Variants in SDK2 observed in about 807,000 individuals in gnomAD.
SDK2 encodes the protein sidekick cell adhesion molecule 2.
In SDK2, 105 loss-of-function variants were observed where a neutral mutation model predicts 253.9. That is an observed-to-expected ratio of 0.41 (90% CI 0.35 to 0.49). The LOEUF is 0.49. Among genes scored for constraint, SDK2 ranks in the 20% least tolerant of loss-of-function variants. The pLI is 0.06. For synonymous variants in SDK2, 1,249 were observed against 1,234.9 expected (o/e 1.01, Z -0.24); for missense variants, 2,608 against 3,003.0 (o/e 0.87, Z 3.07).
intron 1 of SDK2, among the ~76,000 whole-genome samples, chr17:73,597,566 G>C (rs866263647): frequency 6.6e-6 from 1 of 151,998 alleles, no homozygotes; most frequent in Non-Finnish European, 1.5e-5. Context: ...GGCTTCTGCC[G>C]ATCCTGCCCC....
At chr17:73,613,420 G>A (rs942994348) in intron 1 of SDK2, among the ~76,000 whole-genome samples, 3 of 150,852 alleles carry the variant, frequency 2.0e-5, no homozygotes, top group African/African-American at 7.3e-5. Context: ...CCAGGCTGGC[G>A]GAATTAGCCG....
chr17:73,605,056 G>A (rs2045889590), intron 1 of SDK2, among the ~76,000 whole-genome samples: 1 of 152,232 alleles, frequency 6.6e-6, no homozygotes, highest in Admixed American at 6.5e-5. Flanking sequence ...GGCCAACTAT[G>A]GGCAAGGGGG....
chr17:73,476,774 C>T (rs2063689127), intron 2 of SDK2, among the ~76,000 whole-genome samples: 1 of 152,180 alleles, frequency 6.6e-6, no homozygotes, highest in Admixed American at 6.5e-5. Context: ...TTTGCTTCAG[C>T]CAGGAATACC....
At position 73,350,614 on chromosome 17, in the gene SDK2, A is replaced by T. The variant is rs556777830; in HGVS notation, c.5899+36T>A. The T allele has an allele frequency of 7.5e-6, 12 of 1,592,276 alleles. No homozygotes were observed. In the African/African-American group the frequency reaches 1.6e-4, roughly 22 times the overall value. On this transcript the variant is annotated intron_variant, in intron 42 of 44. Coordinates refer to ENST00000392650, the MANE Select transcript of SDK2 (RefSeq NM_001144952.2). ...GCCAAAAAGGAGATACATAAAACTC[A>T]AGTCCAGCCAGCATGGCTGGTGCCA...
At chr17:73,556,603 A>C (rs891554937) in intron 1 of SDK2, among the ~76,000 whole-genome samples, 3 of 152,226 alleles carry the variant, frequency 2.0e-5, no homozygotes, top group Non-Finnish European at 4.4e-5. Flanking sequence ...ATATTTGCTG[A>C]ATTCTTATGC....
chr17:73,523,801 C>T (rs1198318000), intron 1 of SDK2, among the ~76,000 whole-genome samples: 1 of 151,896 alleles, frequency 6.6e-6, no homozygotes, highest in Admixed American at 6.6e-5. Context: ...CAGCACTGCG[C>T]AGAGCCCCTT....
chr17:73,534,998 G>A lies in SDK2; in HGVS notation c.65-27401C>T, dbSNP rs2044750411. On this transcript the variant is annotated intron_variant, in intron 1 of 44. Transcript: ENST00000392650. This position sits in a 1 kb window ranked among gnomAD's most constrained non-coding sequence, Gnocchi z 4.9. ...TCTCTAGCCCAGGCCTTGGTGCACAGTTTGAGAAGGAGCCCCCAGGACATC... is the reference window on the plus strand; with the variant it reads ...TCTCTAGCCCAGGCCTTGGTGCACAATTTGAGAAGGAGCCCCCAGGACATC... 6.6e-6 allele frequency among the ~76,000 whole-genome samples: 1 copy of A among 152,180 alleles called. No homozygotes were observed. The highest frequency in any genetic ancestry group is 2.1e-4 in the South Asian group (1 of 4,832).
chr17:73,451,049 G>GA lies in SDK2; in HGVS notation c.480-3302dup, dbSNP rs550152217. Reference sequence around the variant, plus strand: ...TGCATCCAGGTGGGGCAGTGAGGCTGAACTAGTGGGATATGGAGGAAGGGA... The same window carrying GA: ...TGCATCCAGGTGGGGCAGTGAGGCTGAAACTAGTGGGATATGGAGGAAGGGA... On this transcript the variant is annotated intron_variant, in intron 4 of 44. Coordinates refer to ENST00000392650, the MANE Select transcript of SDK2 (RefSeq NM_001144952.2). 9.8e-5 allele frequency among the ~76,000 whole-genome samples: 15 copies of GA among 152,354 alleles called. No individual in the cohort carries two copies. In the South Asian group the frequency reaches 1.7e-3, roughly 17 times the overall value.
At chr17:73,454,551 C>T (rs938678927) in intron 4 of SDK2, among the ~76,000 whole-genome samples, 11 of 152,190 alleles carry the variant, frequency 7.2e-5, no homozygotes, top group African/African-American at 2.2e-4. Context: ...AGGTGCTCTG[C>T]GGACTGGAAG....
rs116079274 is a variant in SDK2, at chr17:73,485,624, T to C, written c.225-13406A>G. On this transcript the variant is annotated intron_variant, in intron 2 of 44. Transcript: ENST00000392650. ...ACAGCCACAGCCTCTACAATAGGTGTACCAGGAAGAAAGAGTTCACACATT... is the reference window on the plus strand; with the variant it reads ...ACAGCCACAGCCTCTACAATAGGTGCACCAGGAAGAAAGAGTTCACACATT... Among the ~76,000 whole-genome samples the C allele has an allele frequency of 1.0e-2, 1,517 of 152,314 alleles. 24 individuals are homozygous for C. The highest frequency in any genetic ancestry group is 0.035 in the African/African-American group (1,454 of 41,544).
chr17:73,516,991 C>T (rs2064034664), intron 1 of SDK2: 1 of 152,218 alleles, frequency 6.6e-6, no homozygotes, highest in South Asian at 2.1e-4. Flanking sequence ...TGCCCTGGGC[C>T]TGCCACCGAG....
At chr17:73,520,898 T>C (rs1388545631) in intron 1 of SDK2, 3 of 152,156 alleles carry the variant, frequency 2.0e-5, no homozygotes, top group African/African-American at 4.8e-5. Flanking sequence ...GGCAGGTGGT[T>C]GGGAGAGAGG....
rs1315669328 is a variant in SDK2 at position 73,612,872 on chromosome 17, G to A, written c.64+31153C>T. On this transcript the variant is annotated intron_variant, in intron 1 of 44. Coordinates refer to ENST00000392650, the MANE Select transcript of SDK2 (RefSeq NM_001144952.2). This position sits in a 1 kb window ranked among gnomAD's most constrained non-coding sequence, Gnocchi z 4.4. Reference sequence around the variant, plus strand: ...GCAGAAGTTGCAGTGAGCCAAGATCGCGCCATTGCACTCCAGCCTGGGTGA... The same window carrying A: ...GCAGAAGTTGCAGTGAGCCAAGATCACGCCATTGCACTCCAGCCTGGGTGA... Among the ~76,000 whole-genome samples, 1 of 152,092 alleles carries A rather than the reference G, an allele frequency of 6.6e-6. No individual in the cohort carries two copies. The highest frequency in any genetic ancestry group is 1.5e-5 in the Non-Finnish European group (1 of 68,006).
chr17:73,428,567 G>T (rs890612552), intron 12 of SDK2, among the ~76,000 whole-genome samples: 1 of 152,166 alleles, frequency 6.6e-6, no homozygotes, highest in Admixed American at 6.5e-5. Flanking sequence ...CCTTTCAAAG[G>T]CAAAAACCGC....
At position 73,618,113 on chromosome 17, in the gene SDK2, C is replaced by T. The variant is rs2046083700; in HGVS notation, c.64+25912G>A. Among the ~76,000 whole-genome samples, 1 of 152,164 alleles carries T rather than the reference C, an allele frequency of 6.6e-6. No homozygotes were observed. Among genetic ancestry groups the T allele is most frequent in the African/African-American group, 2.4e-5 (1 of 41,434 alleles). ...GAGAGGTGCTTAATTTAATACCAGG[C>T]AAATGCAAGAGACCTTGAACCAATA... On this transcript the variant is annotated intron_variant, in intron 1 of 44. Transcript: ENST00000392650. The surrounding 1 kb of genome is among the most constrained non-coding windows in gnomAD (Gnocchi z 4.1).
intron 1 of SDK2, among the ~76,000 whole-genome samples, chr17:73,583,853 G>A (rs980667036): frequency 6.6e-6 from 1 of 152,216 alleles, no homozygotes; most frequent in Non-Finnish European, 1.5e-5. Flanking sequence ...CTTACAGAGT[G>A]AGCTTGGGCA....
intron 1 of SDK2, among the ~76,000 whole-genome samples, chr17:73,631,286 A>G (rs1351668954): frequency 1.3e-5 from 2 of 152,134 alleles, no homozygotes; most frequent in African/African-American, 4.8e-5. Context: ...CTCTGCCTGT[A>G]GACACTACAC....
intron 28 of SDK2, 45 bp from the exon 29 acceptor site, chr17:73,390,526 C>A: frequency 6.4e-7 from 1 of 1,557,086 alleles, no homozygotes; most frequent in South Asian, 1.2e-5. Flanking sequence ...CAAGGCAAGC[C>A]GCTCCTAGGG....
intron 1 of SDK2, among the ~76,000 whole-genome samples, chr17:73,590,086 C>G: frequency 6.6e-6 from 1 of 152,244 alleles, no homozygotes; most frequent in Admixed American, 6.5e-5. Context: ...CTTAAACCCA[C>G]ACGGAATCGA....
Sources: gnomAD v4.1 joint callset for allele counts (sites outside exome capture counted in the v4.1 genomes callset) on GRCh38, gnomAD v4.1.1 for gene constraint, Gnocchi (gnomAD v3.1) non-coding constraint, MANE v1.5 for transcripts, NCBI Gene and HGNC (gene_info 2026-07-23, HGNC 2026-07-21) for gene names.